The following SOX6 variants were observed in gnomAD, a reference collection of about 807,000 sequenced individuals.
SOX6 encodes the protein transcription factor SOX-6.
Under a neutral mutation model 97.8 loss-of-function variants are expected in SOX6, and 11 were observed. That is an observed-to-expected ratio of 0.11 (90% CI 0.07 to 0.19). The LOEUF (loss-of-function observed/expected upper bound fraction) is 0.19. Among genes scored for constraint, SOX6 ranks in the 10% least tolerant of loss-of-function variants. The probability of loss-of-function intolerance (pLI) is 1.00; values close to 1 mark genes in which losing one functional copy is unlikely to be tolerated. For synonymous variants in SOX6, 360 were observed against 371.4 expected (o/e 0.97, Z 0.35); for missense variants, 810 against 1,039.5 (o/e 0.78, Z 3.04).
intron 6 of SOX6, among the ~76,000 whole-genome samples, chr11:16,153,640 A>G (rs1330065958): frequency 6.6e-6 from 1 of 152,146 alleles, no homozygotes; most frequent in Non-Finnish European, 1.5e-5. Flanking sequence ...TTTGTGTCTC[A>G]GAGTATAATT....
intron 1 of SOX6, among the ~76,000 whole-genome samples, chr11:16,410,402 C>G (rs1266777218): frequency 6.6e-6 from 1 of 151,980 alleles, no homozygotes; most frequent in Non-Finnish European, 1.5e-5. Context: ...AAGTAAGAAA[C>G]AAAGAACACG....
intron 1 of SOX6, among the ~76,000 whole-genome samples, chr11:16,368,547 T>C (rs12292172): frequency 0.34 from 51,710 of 152,006 alleles, 9,312 homozygotes; most frequent in Non-Finnish European, 0.4. Context: ...TGGAAAACTG[T>C]ATATCTACCT....
At chr11:16,509,929 G>A (rs2133150419) in intron 4 of SOX6, among the ~76,000 whole-genome samples, 1 of 152,102 alleles carries the variant, frequency 6.6e-6, no homozygotes, top group East Asian at 1.9e-4. Flanking sequence ...ATTTTTACTG[G>A]ACATTTCATT....
intron 2 of SOX6, among the ~76,000 whole-genome samples, chr11:16,320,019 C>A (rs1014700222): frequency 6.6e-6 from 1 of 151,922 alleles, no homozygotes; most frequent in Non-Finnish European, 1.5e-5. Context: ...AAAAGCAAAT[C>A]GTAGGTGGAA....
intron 6 of SOX6, among the ~76,000 whole-genome samples, chr11:16,148,070 T>C (rs939517137): frequency 1.3e-5 from 2 of 152,164 alleles, no homozygotes; most frequent in African/African-American, 4.8e-5. Context: ...TTTATAGCCA[T>C]TGAAATGTAG....
chr11:16,463,632 T>C (rs1200555236), intron 1 of SOX6, among the ~76,000 whole-genome samples: 1 of 152,202 alleles, frequency 6.6e-6, no homozygotes, highest in East Asian at 1.9e-4. Context: ...ATGCCAAGTA[T>C]AGACCCTCGA....
intron 9 of SOX6, among the ~76,000 whole-genome samples, chr11:16,073,156 G>A (rs905753822): frequency 6.6e-6 from 1 of 152,064 alleles, no homozygotes. Context: ...GTGGCACATT[G>A]GATAAAGAAA....
At chr11:16,448,807 G>A (rs1389730738) in intron 1 of SOX6, among the ~76,000 whole-genome samples, 1 of 152,122 alleles carries the variant, frequency 6.6e-6, no homozygotes, top group Non-Finnish European at 1.5e-5. Context: ...CAAGGCAGGA[G>A]GATCCCTTGA....
intron 4 of SOX6, among the ~76,000 whole-genome samples, chr11:16,483,093 T>C (rs565229952): frequency 6.6e-6 from 1 of 152,290 alleles, no homozygotes; most frequent in East Asian, 1.9e-4. Flanking sequence ...TGTGAAAGGG[T>C]CTCAGGGATC....
At position 16,449,352 on chromosome 11, in the gene SOX6, GAGCC is replaced by G. The variant is rs1859675120; in HGVS notation, c.-5+26959_-5+26962del. On this transcript the variant is annotated intron_variant, in intron 1 of 15. Coordinates refer to the SOX6 transcript ENST00000396356. ...GTGTCGCCCAGGCTGGAGTGCAGTG[GAGCC>G]ATCTCGGCTCACTGCAAGCTCCGCC... 2.2e-5 allele frequency among the ~76,000 whole-genome samples: 3 copies of G among 136,888 alleles called. No homozygotes were observed. The South Asian group carries it at 6.8e-4, about 31-fold the overall frequency. The allele number at this position is 136,888 out of a possible 152,430, so 89.8% of individuals were successfully genotyped here.
chr11:16,469,017 G>C (rs74673298), intron 1 of SOX6, among the ~76,000 whole-genome samples: 1 of 152,032 alleles, frequency 6.6e-6, no homozygotes, highest in East Asian at 1.9e-4. Flanking sequence ...ATGTGCTGTG[G>C]TGGCACAATA....
At chr11:16,456,414 C>A (rs761528971) in intron 1 of SOX6, among the ~76,000 whole-genome samples, 40 of 152,062 alleles carry the variant, frequency 2.6e-4, no homozygotes, top group Non-Finnish European at 3.1e-4. Flanking sequence ...TTACCAGCAT[C>A]CTGGAGGTAA....
intron 12 of SOX6, among the ~76,000 whole-genome samples, chr11:16,022,159 TCATAA>T (rs1263893110): frequency 6.6e-6 from 1 of 152,038 alleles, no homozygotes; most frequent in Non-Finnish European, 1.5e-5. Context: ...ATACAGCAAC[TCATAA>T]CATATCCACT....
At chr11:16,583,638 C>CATATATATAT (rs1329710047) in intron 4 of SOX6, among the ~76,000 whole-genome samples, 7 of 104,588 alleles carry the variant, frequency 6.7e-5, no homozygotes, top group Admixed American at 1.0e-4. Flanking sequence ...TATATATATA[C>CATATATATAT]ACATACACAC....
At chr11:16,209,479 G>A (rs969471568) in intron 4 of SOX6, among the ~76,000 whole-genome samples, 17 of 152,092 alleles carry the variant, frequency 1.1e-4, no homozygotes, top group African/African-American at 2.4e-4. Context: ...TTCTGGGCCC[G>A]GCAGGGTGGC....
chr11:16,461,750 A>G (rs1470228660), intron 1 of SOX6, among the ~76,000 whole-genome samples: 1 of 152,184 alleles, frequency 6.6e-6, no homozygotes, highest in African/African-American at 2.4e-5. Flanking sequence ...TTTTAACTCT[A>G]TTAAGGCATT....
intron 12 of SOX6, among the ~76,000 whole-genome samples, chr11:16,024,477 G>C (rs1408861204): frequency 6.6e-6 from 1 of 150,554 alleles, no homozygotes; most frequent in Non-Finnish European, 1.5e-5. Flanking sequence ...TTAGGATCTA[G>C]TAGCAGTTCT....
intron 3 of SOX6, among the ~76,000 whole-genome samples, chr11:16,620,288 A>C (rs760427487): frequency 5.3e-5 from 8 of 152,228 alleles, no homozygotes; most frequent in Non-Finnish European, 8.8e-5. Flanking sequence ...CTTTTGTTAG[A>C]ATAACATTTT....
intron 6 of SOX6, among the ~76,000 whole-genome samples, chr11:16,132,853 G>A (rs1225678741): frequency 2.6e-5 from 4 of 152,126 alleles, no homozygotes; most frequent in Non-Finnish European, 4.4e-5. Flanking sequence ...CATCTCACAA[G>A]CTGATCTCTC....
Sources: allele counts gnomAD v4.1 joint callset (sites outside exome capture counted in the v4.1 genomes callset), GRCh38; gene constraint gnomAD v4.1.1; transcripts MANE v1.5; gene names NCBI Gene and HGNC (gene_info 2026-07-23, HGNC 2026-07-21).